Variants in MYPN observed in about 807,000 individuals in gnomAD.
MYPN encodes myopalladin.
Under a neutral mutation model 129.4 loss-of-function variants are expected in MYPN, and 63 were observed. The ratio of observed to expected loss-of-function variants is 0.49; its 90% confidence interval spans 0.40 to 0.60. The LOEUF is 0.60. Among genes scored for constraint, MYPN ranks in the 20% least tolerant of loss-of-function variants. The pLI is 0.00. For missense variants in MYPN, 1,596 were observed against 1,635.4 expected (o/e 0.98, Z 0.42); for synonymous variants, 629 against 600.9 (o/e 1.05, Z -0.68).
intron 2 of MYPN, among the ~76,000 whole-genome samples, chr10:68,142,168 G>A (rs751626250): frequency 1.3e-5 from 2 of 152,176 alleles, no homozygotes; most frequent in African/African-American, 2.4e-5. Flanking sequence ...ATTCACAGTA[G>A]CAATGCGTAA....
chr10:68,170,863 C>A (rs2043132959), intron 10 of MYPN, among the ~76,000 whole-genome samples: 2 of 152,064 alleles, frequency 1.3e-5, no homozygotes, highest in South Asian at 4.2e-4. Flanking sequence ...AGAGAAATAA[C>A]CCCGGCCGGG....
intron 19 of MYPN, among the ~76,000 whole-genome samples, chr10:68,207,987 C>T (rs1197241344): frequency 2.6e-5 from 4 of 152,088 alleles, no homozygotes; most frequent in Non-Finnish European, 5.9e-5. Context: ...TTAATGACTA[C>T]AGCTAGGAAG....
intron 18 of MYPN, among the ~76,000 whole-genome samples, chr10:68,205,295 T>C (rs556006348): frequency 6.6e-6 from 1 of 152,242 alleles, no homozygotes; most frequent in East Asian, 1.9e-4. Context: ...GACATTACTC[T>C]AGCATTTGTT....
intron 12 of MYPN, among the ~76,000 whole-genome samples, chr10:68,180,574 C>G (rs2043299309): frequency 6.6e-6 from 1 of 152,238 alleles, no homozygotes; most frequent in Admixed American, 6.5e-5. Flanking sequence ...CTCTAACACA[C>G]AGTGCTTTCT....
upstream of MYPN, among the ~76,000 whole-genome samples, chr10:68,101,969 T>C (rs2041983918): frequency 6.6e-6 from 1 of 152,098 alleles, no homozygotes; most frequent in South Asian, 2.1e-4. Flanking sequence ...ACAGGAAAAG[T>C]ACTTTATCAC....
rs2440844 is a variant in MYPN at position 68,201,611 on chromosome 10, T to G, written c.3494-218T>G. On this transcript the variant is annotated intron_variant, in intron 17 of 19. Transcript: ENST00000358913. ...ACGAAACCCCTATCTCTCCTAAAAA[T>G]ACAAAAATTAGCCAGGCTTGGCGGT... Among the ~76,000 whole-genome samples, 152,002 of 152,006 alleles carry G rather than the reference T, an allele frequency of 1. 75,999 individuals carry two copies. The highest frequency in any genetic ancestry group is 1 in the Middle Eastern group (294 of 294).
intron 12 of MYPN, among the ~76,000 whole-genome samples, chr10:68,182,968 T>A (rs560968130): frequency 6.1e-4 from 93 of 152,328 alleles, no homozygotes; most frequent in African/African-American, 2.1e-3. Context: ...GCTTCTGTAG[T>A]TCCTTTGGCT....
intron 6 of MYPN, among the ~76,000 whole-genome samples, chr10:68,153,933 T>G (rs921559613): frequency 6.6e-6 from 1 of 152,186 alleles, no homozygotes; most frequent in Non-Finnish European, 1.5e-5. Context: ...TTTTTTTTTT[T>G]TTTAAAGCAA....
intron 2 of MYPN, among the ~76,000 whole-genome samples, chr10:68,133,469 A>G (rs1219597881): frequency 3.3e-5 from 5 of 152,116 alleles, no homozygotes; most frequent in African/African-American, 1.2e-4. Context: ...GCAATTGGGT[A>G]CAGGGCTTTG....
chr10:68,167,264 A>G (rs955256268), intron 10 of MYPN, among the ~76,000 whole-genome samples: 2 of 152,200 alleles, frequency 1.3e-5, no homozygotes, highest in Non-Finnish European at 2.9e-5. Context: ...TCTCTCATAA[A>G]GACTTTTTTT....
chr10:68,185,457 C>A (rs923262144), intron 12 of MYPN, among the ~76,000 whole-genome samples: 2 of 152,034 alleles, frequency 1.3e-5, no homozygotes, highest in African/African-American at 4.8e-5. Context: ...ACATACCCTC[C>A]CCAACACCCC....
intron 17 of MYPN, 103 bp from the exon 18 acceptor site, chr10:68,201,726 A>G: frequency 7.6e-7 from 1 of 1,316,318 alleles, no homozygotes; most frequent in Non-Finnish European, 1.1e-6. Flanking sequence ...GGTTGCAGTG[A>G]GCTGAGATCT....
intron 16 of MYPN, 74 bp downstream of exon 16, chr10:68,197,552 A>G: frequency 6.4e-7 from 1 of 1,564,392 alleles, no homozygotes; most frequent in Admixed American, 1.8e-5. Flanking sequence ...TTTTATTTGT[A>G]TTTGTTTTGT....
chr10:68,148,746 T>C (rs781472529), intron 5 of MYPN, among the ~76,000 whole-genome samples: 2 of 152,222 alleles, frequency 1.3e-5, no homozygotes, highest in Non-Finnish European at 2.9e-5. Context: ...TGCAGTGAGC[T>C]GTCAGCTCTC....
intron 12 of MYPN, among the ~76,000 whole-genome samples, chr10:68,186,506 A>G (rs2043423596): frequency 6.6e-6 from 1 of 152,184 alleles, no homozygotes; most frequent in African/African-American, 2.4e-5. Context: ...TCCCAGTACC[A>G]TCTCCATAGA....
chr10:68,186,595 G>C (rs189761478), intron 12 of MYPN, among the ~76,000 whole-genome samples: 221 of 152,182 alleles, frequency 1.5e-3, no homozygotes, highest in African/African-American at 5.0e-3. Context: ...CAAGCACATG[G>C]CTCCAGATTC....
At chr10:68,110,110 C>A (rs1016627654) in intron 1 of MYPN, among the ~76,000 whole-genome samples, 9 of 152,316 alleles carry the variant, frequency 5.9e-5, no homozygotes, top group African/African-American at 2.2e-4. Context: ...AATATGCCTG[C>A]ATAAAGACTT....
rs1489529278 is a variant in MYPN, at chr10:68,122,244, C to T, written c.806C>T (p.Pro269Leu). Residue 269 changes from proline (P) to leucine (L), a missense_variant, in exon 2 of 20, where the codon CCC becomes CTC. Physicochemically the swap from Pro to Leu is moderately conservative, Grantham distance 98 (BLOSUM62 -3). Transcript: ENST00000358913. The stretch of plus-strand genomic sequence containing the variant: ...TATGAAGAACCTCTGGGGCAACCTC[C>T]CCGGTTCACTCAAAAGTTACGGAGC... The part of the protein sequence containing the change: ...LYYEEPLGQP[P>L]RFTQKLRSRE... The T allele has an allele frequency of 1.9e-6, 3 of 1,613,362 alleles. No individual in the cohort carries two copies. Among genetic ancestry groups the T allele is most frequent in the Admixed American group, 1.7e-5 (1 of 59,974 alleles).
At chr10:68,199,078 G>T (rs1023929502) in intron 16 of MYPN, among the ~76,000 whole-genome samples, 1 of 151,966 alleles carries the variant, frequency 6.6e-6, no homozygotes, top group African/African-American at 2.4e-5. Flanking sequence ...GATGCTGCAG[G>T]CCTATTATAT....
Sources: allele counts gnomAD v4.1 joint callset (sites outside exome capture counted in the v4.1 genomes callset), GRCh38; gene constraint gnomAD v4.1.1; transcripts MANE v1.5; gene names NCBI Gene and HGNC (gene_info 2026-07-23, HGNC 2026-07-21).